The following WDR7 variants were observed in gnomAD, a reference collection of about 807,000 sequenced individuals.
WDR7 encodes WD repeat-containing protein 7.
WDR7 carries 46 observed loss-of-function variants against 169.4 expected under a neutral mutation model. The observed-to-expected ratio is 0.27, with a 90% confidence interval of 0.21 to 0.35. The LOEUF is 0.35. Among genes scored for constraint, WDR7 ranks in the 10% least tolerant of loss-of-function variants. WDR7 has a pLI of 1.00. For missense variants in WDR7, 1,534 were observed against 1,859.3 expected (o/e 0.83, Z 3.22); for synonymous variants, 612 against 666.8 (o/e 0.92, Z 1.27).
intron 21 of WDR7, among the ~76,000 whole-genome samples, chr18:56,919,205 C>T (rs2046673939): frequency 6.6e-6 from 1 of 152,168 alleles, no homozygotes; most frequent in Non-Finnish European, 1.5e-5. Context: ...ATTTCCCATC[C>T]TCCCTGGAAA....
At chr18:56,979,582 T>C (rs2047612976) in intron 26 of WDR7, among the ~76,000 whole-genome samples, 1 of 152,172 alleles carries the variant, frequency 6.6e-6, no homozygotes, top group African/African-American at 2.4e-5. Flanking sequence ...CTCCAATTAC[T>C]CAGATCAACA....
chr18:56,778,555 T>C (rs2044272167), intron 17 of WDR7, among the ~76,000 whole-genome samples: 1 of 152,182 alleles, frequency 6.6e-6, no homozygotes, highest in African/African-American at 2.4e-5. Flanking sequence ...CAGTGATTAT[T>C]TGGGAATGTC....
chr18:56,664,414 T>C (rs930203122), intron 1 of WDR7, among the ~76,000 whole-genome samples: 1 of 152,084 alleles, frequency 6.6e-6, no homozygotes, highest in Non-Finnish European at 1.5e-5. Flanking sequence ...AAAAATGAAA[T>C]GTAGACATGT....
At chr18:56,751,270 A>G (rs2043786694) in intron 14 of WDR7, among the ~76,000 whole-genome samples, 1 of 152,166 alleles carries the variant, frequency 6.6e-6, no homozygotes, top group African/African-American at 2.4e-5. Context: ...GCATTCACAG[A>G]TCTGCAGGTG....
intron 12 of WDR7, among the ~76,000 whole-genome samples, chr18:56,713,047 T>C (rs1411069406): frequency 6.6e-6 from 1 of 152,098 alleles, no homozygotes; most frequent in African/African-American, 2.4e-5. Flanking sequence ...GCTTAAGGGA[T>C]TTGCAGATTA....
chr18:56,880,246 T>C, intron 21 of WDR7, 81 bp downstream of exon 21: 2 of 1,349,468 alleles, frequency 1.5e-6, no homozygotes, highest in South Asian at 1.4e-5. Flanking sequence ...ACATTGACTA[T>C]ATCCTGAGTT....
chr18:57,020,220 T>C (rs996035962), intron 26 of WDR7, among the ~76,000 whole-genome samples: 3 of 152,236 alleles, frequency 2.0e-5, no homozygotes, highest in African/African-American at 4.8e-5. Flanking sequence ...ATTGCAGCTA[T>C]ATACATTTAA....
intron 26 of WDR7, among the ~76,000 whole-genome samples, chr18:56,964,133 A>G (rs1017490096): frequency 1.3e-5 from 2 of 151,336 alleles, no homozygotes; most frequent in African/African-American, 4.9e-5. Context: ...ATGAGAAAGG[A>G]CAAAGTTGTA....
chr18:56,827,058 A>G (rs1291782651), intron 20 of WDR7, among the ~76,000 whole-genome samples: 2 of 152,210 alleles, frequency 1.3e-5, no homozygotes, highest in African/African-American at 4.8e-5. Flanking sequence ...TGTAAGAGGT[A>G]AGCCTGCGCT....
intron 16 of WDR7, among the ~76,000 whole-genome samples, chr18:56,769,175 G>A (rs903726669): frequency 1.3e-5 from 2 of 150,856 alleles, no homozygotes; most frequent in Non-Finnish European, 2.9e-5. Flanking sequence ...TTTTATTCAT[G>A]GTAAATATAG....
intron 14 of WDR7, among the ~76,000 whole-genome samples, chr18:56,743,662 GGAAATA>G (rs2043654965): frequency 6.6e-6 from 1 of 152,158 alleles, no homozygotes; most frequent in African/African-American, 2.4e-5. Flanking sequence ...AGGAAAGTGT[GGAAATA>G]GAAATAGTAA....
chr18:56,908,009 G>T (rs991159721), intron 21 of WDR7, among the ~76,000 whole-genome samples: 1 of 152,148 alleles, frequency 6.6e-6, no homozygotes, highest in African/African-American at 2.4e-5. Flanking sequence ...TTGAGGGTGG[G>T]AGTGTATTCT....
intron 20 of WDR7, among the ~76,000 whole-genome samples, chr18:56,842,414 TGATCTAATCATCTCTTAAA>T (rs1242289593): frequency 1.3e-5 from 2 of 152,214 alleles, no homozygotes; most frequent in Non-Finnish European, 2.9e-5. Context: ...AGTGCTCTTA[TGATCTAATCATCTCTTAAA>T]GGTCCCACAC....
At chr18:56,662,853 T>G (rs149972454) in intron 1 of WDR7, among the ~76,000 whole-genome samples, 237 of 152,118 alleles carry the variant, frequency 1.6e-3, no homozygotes, top group African/African-American at 5.3e-3. Context: ...AAATTAGTAT[T>G]AAAAAAAATA....
intron 16 of WDR7, among the ~76,000 whole-genome samples, chr18:56,765,163 C>T (rs913139507): frequency 6.6e-6 from 1 of 152,028 alleles, no homozygotes; most frequent in Non-Finnish European, 1.5e-5. Context: ...TTGTGGGCAG[C>T]ATATAGTGGG....
intron 21 of WDR7, among the ~76,000 whole-genome samples, chr18:56,898,858 A>T (rs990288851): frequency 6.6e-6 from 1 of 152,116 alleles, no homozygotes; most frequent in Non-Finnish European, 1.5e-5. Flanking sequence ...ACCAATACTA[A>T]TTTTGATAAT....
At chr18:56,820,447 C>T (rs1267310676) in intron 20 of WDR7, among the ~76,000 whole-genome samples, 3 of 145,612 alleles carry the variant, frequency 2.1e-5, no homozygotes, top group East Asian at 4.1e-4. Flanking sequence ...ATGGGTGGGT[C>T]GACTGTACTT....
chr18:57,007,659 G>T (rs956781236), intron 26 of WDR7, among the ~76,000 whole-genome samples: 11 of 152,028 alleles, frequency 7.2e-5, no homozygotes, highest in African/African-American at 2.7e-4. Context: ...CTCTTTTAAA[G>T]GTGATTTGTA....
At chr18:56,772,298 T>C (rs983943252) in intron 16 of WDR7, among the ~76,000 whole-genome samples, 1 of 152,110 alleles carries the variant, frequency 6.6e-6, no homozygotes, top group African/African-American at 2.4e-5. Flanking sequence ...GCCCAGGAAC[T>C]GGGAAACCCA....
Sources: gnomAD v4.1 joint callset for allele counts (sites outside exome capture counted in the v4.1 genomes callset) on GRCh38, gnomAD v4.1.1 for gene constraint, MANE v1.5 for transcripts, NCBI Gene and HGNC (gene_info 2026-07-23, HGNC 2026-07-21) for gene names.